LYAR: variants seen among roughly 807,000 people sequenced by gnomAD.
The protein encoded by LYAR is Ly1 antibody reactive.
In LYAR, 37 loss-of-function variants were observed where a neutral mutation model predicts 45.2. That is an observed-to-expected ratio of 0.82 (90% CI 0.63 to 1.08). LYAR has a LOEUF of 1.08. Among genes scored for constraint, LYAR ranks in the 50% least tolerant of loss-of-function variants. The pLI, the probability that LYAR is intolerant of heterozygous loss-of-function variation, is 0.00. For synonymous variants in LYAR, 176 were observed against 155.1 expected (o/e 1.14, Z -1.00); for missense variants, 493 against 451.0 (o/e 1.09, Z -0.84).
intron 4 of LYAR, among the ~76,000 whole-genome samples, chr4:4,279,969 C>T (rs1326934999): frequency 1.3e-5 from 2 of 152,278 alleles, no homozygotes; most frequent in African/African-American, 4.8e-5. Flanking sequence ...TAAAAGGCAT[C>T]CTAACTGCAA....
At chr4:4,288,077 C>A (rs981233073) in intron 1 of LYAR, among the ~76,000 whole-genome samples, 5 of 152,144 alleles carry the variant, frequency 3.3e-5, no homozygotes, top group African/African-American at 1.2e-4. Flanking sequence ...TCAAAAAAGT[C>A]ATTAAAAACT....
In LYAR at chr4:4,267,886, T is replaced by C; in HGVS notation, c.*3A>G. 6.2e-7 allele frequency: 1 copy of C among 1,608,052 alleles called. No individual in the cohort carries two copies. Among genetic ancestry groups the C allele is most frequent in the South Asian group, 1.1e-5 (1 of 89,864 alleles). The stretch of plus-strand genomic sequence containing the variant: ...TGGATTCAATTTTTAAATACACAAA[T>C]GTTCATTTCACAAGCTTGACTTTGT... On this transcript the variant is annotated 3_prime_UTR_variant, in exon 10 of 10. Coordinates refer to ENST00000343470, the MANE Select transcript of LYAR (RefSeq NM_017816.3).
intron 7 of LYAR, among the ~76,000 whole-genome samples, chr4:4,274,049 T>C (rs1277704019): frequency 2.6e-5 from 4 of 152,080 alleles, no homozygotes; most frequent in Admixed American, 1.3e-4. Flanking sequence ...CCAGCCAGGC[T>C]AACATGGCGA....
At chr4:4,269,453 G>A (rs1170609099) in intron 8 of LYAR, among the ~76,000 whole-genome samples, 2 of 152,160 alleles carry the variant, frequency 1.3e-5, no homozygotes, top group African/African-American at 2.4e-5. Context: ...AATGAGGGAC[G>A]GTGTCACAGA....
intron 3 of LYAR, 121 bp downstream of exon 3, chr4:4,283,500 C>T: frequency 2.9e-6 from 3 of 1,022,342 alleles, no homozygotes; most frequent in Non-Finnish European, 4.2e-6. Context: ...TGGAACATAC[C>T]AGTTTTTAGT....
chr4:4,273,447 G>A, intron 8 of LYAR, 136 bp downstream of exon 8: 1 of 623,506 alleles, frequency 1.6e-6, no homozygotes, highest in South Asian at 1.9e-5. Flanking sequence ...TTTTGAAAGT[G>A]GTACGCCCAT....
At chr4:4,287,531 G>A (rs966110660) in intron 1 of LYAR, among the ~76,000 whole-genome samples, 7 of 152,158 alleles carry the variant, frequency 4.6e-5, no homozygotes, top group East Asian at 1.9e-4. Context: ...CTACAAAGCC[G>A]TGTCCCATTT....
chr4:4,268,774 C>T (rs1718811304), intron 8 of LYAR, 159 bp from the exon 9 acceptor site: 1 of 567,468 alleles, frequency 1.8e-6, no homozygotes, highest in African/African-American at 1.9e-5. Flanking sequence ...ATTCCAATGT[C>T]CTAGAAGCAC....
Position 4,277,130 on chromosome 4 carries a change from T to C in LYAR, c.429+2317A>G, listed in dbSNP as rs1719214081. Among the ~76,000 whole-genome samples, 4 of 152,124 alleles carry C rather than the reference T, an allele frequency of 2.6e-5. No homozygotes were observed. The South Asian group carries it at 8.3e-4, about 31-fold the overall frequency. On this transcript the variant is annotated intron_variant, in intron 6 of 9. Coordinates refer to ENST00000343470, the MANE Select transcript of LYAR (RefSeq NM_017816.3). ...GGCACAATATCAGCTCACTGCAACC[T>C]CCGCCTCCCAGGTTCAAATGATTCT...
chr4:4,278,271 A>C (rs542962506), intron 6 of LYAR, among the ~76,000 whole-genome samples: 92 of 152,306 alleles, frequency 6.0e-4, no homozygotes, highest in African/African-American at 2.1e-3. Context: ...TTCTCTCTAC[A>C]TAAGTGAATC....
At chr4:4,287,841 A>C (rs1719676009) in intron 1 of LYAR, among the ~76,000 whole-genome samples, 1 of 152,188 alleles carries the variant, frequency 6.6e-6, no homozygotes, top group South Asian at 2.1e-4. Flanking sequence ...TTAGAACCCT[A>C]AGTCTTAATT....
At chr4:4,270,510 T>G (rs545028412) in intron 8 of LYAR, among the ~76,000 whole-genome samples, 2 of 144,026 alleles carry the variant, frequency 1.4e-5, no homozygotes. Context: ...TTAGAATAAA[T>G]TTAAAAACTA....
chr4:4,268,198 C>T (rs2920224), intron 9 of LYAR, among the ~76,000 whole-genome samples, 175 bp from the exon 10 acceptor site: 23 of 152,268 alleles, frequency 1.5e-4, no homozygotes, highest in African/African-American at 4.8e-4. Flanking sequence ...GGGGTTTGGC[C>T]ATGTGTGAGT....
At chr4:4,287,994 G>A (rs528313861) in intron 1 of LYAR, among the ~76,000 whole-genome samples, 59 of 152,294 alleles carry the variant, frequency 3.9e-4, no homozygotes, top group Admixed American at 1.7e-3. Context: ...TAACAAGATG[G>A]TTGCCAGCTT....
At chr4:4,289,179 G>A (rs1198423618) in intron 1 of LYAR, among the ~76,000 whole-genome samples, 1 of 152,204 alleles carries the variant, frequency 6.6e-6, no homozygotes, top group Non-Finnish European at 1.5e-5. Flanking sequence ...GCCCTGGGAA[G>A]TAGGTGCACC....
At chr4:4,268,475 T>A in intron 9 of LYAR, 55 bp downstream of exon 9, 1 of 1,142,476 alleles carries the variant, frequency 8.8e-7, no homozygotes, top group Non-Finnish European at 1.3e-6. Context: ...AATTGTACAT[T>A]TAGAAATAAG....
At chr4:4,278,646 C>T (rs751093842) in intron 6 of LYAR, among the ~76,000 whole-genome samples, 131 of 152,216 alleles carry the variant, frequency 8.6e-4, no homozygotes, top group Non-Finnish European at 1.5e-3. Context: ...GCACCACCAC[C>T]TGGGATACTT....
intron 2 of LYAR, among the ~76,000 whole-genome samples, chr4:4,284,442 T>C (rs1039776120): frequency 1.3e-5 from 2 of 152,184 alleles, no homozygotes; most frequent in Non-Finnish European, 2.9e-5. Context: ...AAGGTTAAAA[T>C]GAGGACATGC....
At chr4:4,276,215 T>A (rs938481489) in intron 6 of LYAR, among the ~76,000 whole-genome samples, 2 of 152,202 alleles carry the variant, frequency 1.3e-5, no homozygotes, top group Non-Finnish European at 2.9e-5. Flanking sequence ...CTGATGCACC[T>A]GCAGGCGGGG....
Sources: allele counts gnomAD v4.1 joint callset (sites outside exome capture counted in the v4.1 genomes callset), GRCh38; gene constraint gnomAD v4.1.1; transcripts MANE v1.5; gene names NCBI Gene and HGNC (gene_info 2026-07-23, HGNC 2026-07-21).